SGCZ: variants seen among roughly 807,000 people sequenced by gnomAD.
SGCZ encodes the protein sarcoglycan zeta, also known as zeta-sarcoglycan.
Under a neutral mutation model 41.3 loss-of-function variants are expected in SGCZ, and 40 were observed. That is an observed-to-expected ratio of 0.97 (90% CI 0.75 to 1.26). The LOEUF (loss-of-function observed/expected upper bound fraction) is 1.26, where lower values mean the gene tolerates loss of function less well. Among genes scored for constraint, SGCZ ranks in the 50% most tolerant of loss-of-function variants. The pLI, the probability that SGCZ is intolerant of heterozygous loss-of-function variation, is 0.00. For missense variants in SGCZ, 552 were observed against 369.8 expected, an observed-to-expected ratio of 1.49 and a Z score of -4.04; for synonymous variants, 206 against 137.5, an observed-to-expected ratio of 1.50 and a Z score of -3.49.
rs181220505 is a variant in SGCZ, at chr8:14,493,350, T to C, written c.234+61382A>G. On this transcript the variant is annotated intron_variant, in intron 2 of 7. Transcript: ENST00000382080. ...TCTTATTCACATACTTTTCCCACTA[T>C]CATCCTTTCTTTTTTTTTTTTTTTT... Among the ~76,000 whole-genome samples, 363 of 140,536 alleles carry C rather than the reference T, an allele frequency of 2.6e-3. 2 individuals carry two copies. The highest frequency in any genetic ancestry group is 4.5e-3 in the Non-Finnish European group (296 of 65,520). The allele number at this position is 140,536 out of a possible 152,430, so 92.2% of individuals were successfully genotyped here.
intron 1 of SGCZ, among the ~76,000 whole-genome samples, chr8:15,133,773 T>C (rs1223341729): frequency 6.6e-6 from 1 of 152,136 alleles, no homozygotes; most frequent in Non-Finnish European, 1.5e-5. Context: ...AAGAGATTAG[T>C]AGTTGAAGTT....
chr8:15,056,166 T>C (rs1429815119), intron 1 of SGCZ, among the ~76,000 whole-genome samples: 1 of 152,182 alleles, frequency 6.6e-6, no homozygotes, highest in Admixed American at 6.5e-5. Context: ...GATCAAGAAT[T>C]GCTGTTTATA....
chr8:14,942,837 T>G (rs1010428133), intron 1 of SGCZ, among the ~76,000 whole-genome samples: 1 of 152,152 alleles, frequency 6.6e-6, no homozygotes, highest in Non-Finnish European at 1.5e-5. Flanking sequence ...CTTAACTGTA[T>G]AAAAGGCCAT....
At chr8:14,112,209 T>G (rs1447586560) in intron 5 of SGCZ, among the ~76,000 whole-genome samples, 1 of 150,860 alleles carries the variant, frequency 6.6e-6, no homozygotes, top group Non-Finnish European at 1.5e-5. Flanking sequence ...ATGTGCCAAA[T>G]GAGAACTTTT....
intron 3 of SGCZ, among the ~76,000 whole-genome samples, chr8:14,278,134 T>C (rs1245731963): frequency 6.6e-6 from 1 of 152,108 alleles, no homozygotes; most frequent in African/African-American, 2.4e-5. Flanking sequence ...TATTGTCTGG[T>C]TTGGCTAGCT....
chr8:14,949,374 A>G (rs1800556535), intron 1 of SGCZ, among the ~76,000 whole-genome samples: 1 of 152,190 alleles, frequency 6.6e-6, no homozygotes, highest in Non-Finnish European at 1.5e-5. Flanking sequence ...ACAGAAAATT[A>G]GGTCTGAAAT....
At chr8:14,189,069 G>A (rs1444242931) in intron 4 of SGCZ, among the ~76,000 whole-genome samples, 1 of 150,246 alleles carries the variant, frequency 6.7e-6, no homozygotes, top group Non-Finnish European at 1.5e-5. Context: ...ATGTTGGCAA[G>A]GCTGGTCTTG....
At chr8:14,940,150 C>G (rs1282724052) in intron 1 of SGCZ, among the ~76,000 whole-genome samples, 1 of 152,014 alleles carries the variant, frequency 6.6e-6, no homozygotes, top group Non-Finnish European at 1.5e-5. Flanking sequence ...TAATCAAAAG[C>G]CAAAATAGCA....
At chr8:14,925,278 G>A (rs1443789008) in intron 1 of SGCZ, among the ~76,000 whole-genome samples, 1 of 152,078 alleles carries the variant, frequency 6.6e-6, no homozygotes, top group Non-Finnish European at 1.5e-5. Context: ...ATTTTCTTTT[G>A]AGTAGACTAT....
chr8:15,174,795 G>A lies in SGCZ; in HGVS notation c.39+62790C>T, dbSNP rs903564063. Among the ~76,000 whole-genome samples the A allele has an allele frequency of 6.6e-5, 10 of 152,248 alleles. No individual in the cohort carries two copies. The East Asian group carries it at 7.7e-4, about 12-fold the overall frequency. On this transcript the variant is annotated intron_variant, in intron 1 of 7. Coordinates refer to ENST00000382080, the MANE Select transcript of SGCZ (RefSeq NM_139167.4). ...CTCCATGTGCATTTCCTTGACTAGC[G>A]ACTTATTACTTTTTTAAACATTAAA...
intron 1 of SGCZ, among the ~76,000 whole-genome samples, chr8:14,664,621 A>C (rs1807850456): frequency 6.6e-6 from 1 of 152,170 alleles, no homozygotes; most frequent in Admixed American, 6.6e-5. Context: ...GGATGTAACC[A>C]ACTAGTGGGA....
chr8:14,220,646 G>A (rs1045056041), intron 4 of SGCZ, among the ~76,000 whole-genome samples: 11 of 152,122 alleles, frequency 7.2e-5, no homozygotes, highest in African/African-American at 2.7e-4. Flanking sequence ...AATCAGTTGG[G>A]CGTAGTGGTG....
chr8:14,876,630 A>G (rs903180499), intron 1 of SGCZ, among the ~76,000 whole-genome samples: 3 of 152,178 alleles, frequency 2.0e-5, no homozygotes, highest in African/African-American at 7.2e-5. Flanking sequence ...AATATTAGTG[A>G]GGGTCACTTA....
chr8:14,421,661 G>C (rs932052800), intron 2 of SGCZ, among the ~76,000 whole-genome samples: 3 of 152,060 alleles, frequency 2.0e-5, no homozygotes, highest in African/African-American at 7.2e-5. Context: ...TCAACATAAT[G>C]ACTCCTAAAA....
intron 4 of SGCZ, among the ~76,000 whole-genome samples, chr8:14,204,574 G>T (rs1257294462): frequency 6.6e-6 from 1 of 152,096 alleles, no homozygotes; most frequent in Non-Finnish European, 1.5e-5. Flanking sequence ...CATTATTTCT[G>T]GGTGTGTCTG....
intron 1 of SGCZ, among the ~76,000 whole-genome samples, chr8:14,994,093 G>C (rs1449674218): frequency 1.3e-5 from 2 of 152,234 alleles, no homozygotes; most frequent in Non-Finnish European, 2.9e-5. Flanking sequence ...TAAATGCAAA[G>C]CTCATAGGAC....
chr8:14,368,531 T>C (rs533390027), intron 2 of SGCZ, among the ~76,000 whole-genome samples: 1 of 152,180 alleles, frequency 6.6e-6, no homozygotes, highest in East Asian at 1.9e-4. Context: ...ATATGAGACA[T>C]TTTATTTCTT....
chr8:14,473,973 C>A (rs969562948), intron 2 of SGCZ, among the ~76,000 whole-genome samples: 2 of 151,102 alleles, frequency 1.3e-5, no homozygotes, highest in African/African-American at 4.9e-5. Context: ...AAAATAATAT[C>A]TTTAAGTAAT....
At chr8:14,655,198 A>T (rs73664426) in intron 1 of SGCZ, among the ~76,000 whole-genome samples, 12,273 of 152,122 alleles carry the variant, frequency 0.081, 924 homozygotes, top group African/African-American at 0.2. Context: ...ACTGTAAGTT[A>T]TTCTTACTGT....
Sources: allele counts gnomAD v4.1 joint callset (sites outside exome capture counted in the v4.1 genomes callset), GRCh38; gene constraint gnomAD v4.1.1; transcripts MANE v1.5; gene names NCBI Gene and HGNC (gene_info 2026-07-23, HGNC 2026-07-21).